C12orf56: variants seen among roughly 807,000 people sequenced by gnomAD.
The protein encoded by C12orf56 is chromosome 12 open reading frame 56, also known as uncharacterized protein C12orf56.
C12orf56 carries 71 observed loss-of-function variants against 69.9 expected under a neutral mutation model. The observed-to-expected ratio is 1.02, with a 90% CI of 0.84 to 1.24. The LOEUF is 1.24. C12orf56 is among the 50% of genes most tolerant of loss of function. The probability of loss-of-function intolerance (pLI) is 0.00; values close to 1 mark genes in which losing one functional copy is unlikely to be tolerated. For missense variants in C12orf56, 732 were observed against 738.5 expected, an observed-to-expected ratio of 0.99 and a Z score of 0.10; for synonymous variants, 276 against 274.1, an observed-to-expected ratio of 1.01 and a Z score of -0.07.
chr12:64,318,462 A>C (rs1247554047), intron 4 of C12orf56, 113 bp downstream of exon 4: 1 of 901,840 alleles, frequency 1.1e-6, no homozygotes, highest in Non-Finnish European at 1.6e-6. Context: ...AATATTATTA[A>C]ATTCCAAGGC....
chr12:64,299,891 T>A (rs2038422107), intron 6 of C12orf56, among the ~76,000 whole-genome samples: 1 of 152,206 alleles, frequency 6.6e-6, no homozygotes, highest in Non-Finnish European at 1.5e-5. Flanking sequence ...CCCACAAGTG[T>A]CTATTTAAAT....
At chr12:64,326,739 C>CA (rs35874771) in intron 3 of C12orf56, among the ~76,000 whole-genome samples, 63,341 of 145,556 alleles carry the variant, frequency 0.44, 13,891 homozygotes, top group African/African-American at 0.52. Context: ...GACTCTGTCT[C>CA]AAAAAAAAAA....
intron 8 of C12orf56, among the ~76,000 whole-genome samples, chr12:64,284,252 C>G (rs1248891673): frequency 1.3e-5 from 2 of 152,138 alleles, no homozygotes; most frequent in Non-Finnish European, 2.9e-5. Flanking sequence ...TCTCCAAAGT[C>G]ATTTACTCTA....
chr12:64,390,572 C>G lies in C12orf56; in HGVS notation c.-7G>C. 1 of 1,556,196 alleles carries G rather than the reference C, an allele frequency of 6.4e-7. No individual in the cohort carries two copies. Among genetic ancestry groups the G allele is most frequent in the East Asian group, 2.3e-5 (1 of 42,912 alleles). On this transcript the variant is annotated 5_prime_UTR_variant, in exon 1 of 13. Transcript: ENST00000543942. ...ACGGCAAGGGGCTGGCCATGCCCGG[C>G]GCCCGCAGCGTGGCGGAGTGCTGGG...
At chr12:64,328,820 C>G (rs1156384981) in intron 3 of C12orf56, among the ~76,000 whole-genome samples, 1 of 148,442 alleles carries the variant, frequency 6.7e-6, no homozygotes, top group Non-Finnish European at 1.5e-5. Flanking sequence ...AATCCCAACA[C>G]TGGGAGGCTG....
At chr12:64,306,934 A>G (rs2038521334) in intron 5 of C12orf56, among the ~76,000 whole-genome samples, 1 of 152,170 alleles carries the variant, frequency 6.6e-6, no homozygotes. Flanking sequence ...TTTCTTGTGT[A>G]TCACTGCATC....
chr12:64,270,820 T>TA (rs2037978084), intron 11 of C12orf56, 106 bp from the exon 12 acceptor site: 3 of 855,474 alleles, frequency 3.5e-6, no homozygotes, highest in Non-Finnish European at 5.4e-6. Flanking sequence ...CTCACTACCC[T>TA]AACACCACTG....
chr12:64,275,262 T>A, intron 10 of C12orf56, 36 bp downstream of exon 10: 1 of 1,002,658 alleles, frequency 1.0e-6, no homozygotes, highest in Non-Finnish European at 1.4e-6. Context: ...TATAGTTACA[T>A]AAAATATGTA....
At chr12:64,272,307 C>G (rs1473987931) in intron 11 of C12orf56, among the ~76,000 whole-genome samples, 2 of 152,086 alleles carry the variant, frequency 1.3e-5, no homozygotes, top group Non-Finnish European at 2.9e-5. Flanking sequence ...GAGTTTGAGA[C>G]CAGCGTGGCT....
At chr12:64,361,340 G>A (rs895298492) in intron 1 of C12orf56, among the ~76,000 whole-genome samples, 3 of 152,184 alleles carry the variant, frequency 2.0e-5, no homozygotes, top group African/African-American at 4.8e-5. Context: ...TAAGGGCTGC[G>A]TAAAATGAGG....
At chr12:64,303,889 T>A in intron 5 of C12orf56, 110 bp from the exon 6 acceptor site, 1 of 1,247,110 alleles carries the variant, frequency 8.0e-7, no homozygotes, top group African/African-American at 1.5e-5. Flanking sequence ...AATGGGATTT[T>A]AATATAGTTT....
At chr12:64,355,265 G>C (rs1252770616) in intron 1 of C12orf56, among the ~76,000 whole-genome samples, 3 of 152,008 alleles carry the variant, frequency 2.0e-5, no homozygotes, top group Non-Finnish European at 4.4e-5. Context: ...AGTAATTGAA[G>C]ATAGGAAGAT....
intron 3 of C12orf56, among the ~76,000 whole-genome samples, chr12:64,329,067 A>T (rs78215556): frequency 6.6e-6 from 1 of 151,750 alleles, no homozygotes; most frequent in Non-Finnish European, 1.5e-5. Context: ...TCAGTCTCAA[A>T]AAAAAAAAAG....
chr12:64,343,623 A>G (rs1451954792), intron 2 of C12orf56, among the ~76,000 whole-genome samples: 1 of 152,212 alleles, frequency 6.6e-6, no homozygotes, highest in Non-Finnish European at 1.5e-5. Flanking sequence ...ACTTGGAGTC[A>G]CCACTTGGTT....
At chr12:64,380,144 C>CA (rs1301705651) in intron 1 of C12orf56, among the ~76,000 whole-genome samples, 1,252 of 81,604 alleles carry the variant, frequency 0.015, 65 homozygotes, top group African/African-American at 0.06. Flanking sequence ...ACAAAACAAA[C>CA]AAAAAAAAAC....
At position 64,330,965 on chromosome 12, in the gene C12orf56, A is replaced by G. The variant is rs1395447272; in HGVS notation, c.483T>C (p.Pro161=). 27 of 1,553,492 alleles carry G rather than the reference A, an allele frequency of 1.7e-5. No homozygotes were observed. The highest frequency in any genetic ancestry group is 2.0e-5 in the Non-Finnish European group (23 of 1,147,158). Residue 161 remains proline, a synonymous_variant, in exon 3 of 13, where the codon CCT becomes CCC. Coordinates refer to ENST00000543942, the MANE Select transcript of C12orf56 (RefSeq NM_001170633.2). ...ACTCCAAACAACAATCTCACCTGAG[A>G]GGAGATTCTTTCAGACTTCTGGACT... ...SKESRSLKES[P]LRDQQESSTP...
intron 6 of C12orf56, among the ~76,000 whole-genome samples, chr12:64,298,692 G>A (rs1208870410): frequency 6.7e-6 from 1 of 148,642 alleles, no homozygotes. Context: ...GATGGTTGTA[G>A]ATGTGTGGTG....
rs1203147335 is a variant in C12orf56, at chr12:64,303,629, ACTTAC to A, written c.1113+1_1113+5del. The A allele has an allele frequency of 6.5e-7, 1 of 1,533,872 alleles. No individual in the cohort carries two copies. Among genetic ancestry groups the A allele is most frequent in the Non-Finnish European group, 8.7e-7 (1 of 1,144,268 alleles). On this transcript the variant is annotated splice_donor_variant and splice_donor_5th_base_variant and intron_variant, in intron 6 of 12. Coordinates refer to ENST00000543942, the MANE Select transcript of C12orf56 (RefSeq NM_001170633.2). LOFTEE classifies it high-confidence loss of function. ...TTAAAGATTAAAAATAAAACAAAAC[ACTTAC>A]CTTCCAGAAAAGCCTTTTCAGAATG...
At position 64,328,699 on chromosome 12, in the gene C12orf56, AAAAAAAAATATATATATATATAT is replaced by A. The variant is rs1234527817; in HGVS notation, c.488+2238_488+2260del. ...CATCTCAAAAAAAAAAAAAAAAAAAAAAAAAAAATATATATATATATATATATATATATATATAGTATCACACT... is the reference window on the plus strand; with the variant it reads ...CATCTCAAAAAAAAAAAAAAAAAAAAATATATATATATATAGTATCACACT... On this transcript the variant is annotated intron_variant, in intron 3 of 12. Coordinates refer to ENST00000543942, the MANE Select transcript of C12orf56 (RefSeq NM_001170633.2). 6.9e-3 allele frequency among the ~76,000 whole-genome samples: 162 copies of A among 23,640 alleles called. 1 individual carries two copies. The highest frequency in any genetic ancestry group is 8.7e-3 in the Non-Finnish European group (103 of 11,872). The allele number at this position is 23,640 out of a possible 152,430, so 15.5% of individuals were successfully genotyped here. A position where few individuals can be genotyped will look rare whatever the true frequency, so the allele number is the denominator to read the frequency against.
Sources: gnomAD v4.1 joint callset for allele counts (sites outside exome capture counted in the v4.1 genomes callset) on GRCh38, gnomAD v4.1.1 for gene constraint, MANE v1.5 for transcripts, NCBI Gene and HGNC (gene_info 2026-07-23, HGNC 2026-07-21) for gene names.